Variants in CALN1 observed in about 807,000 individuals in gnomAD.
CALN1 encodes the protein calneuron 1.
A neutral mutation model predicts 30.6 loss-of-function variants in CALN1; 17 were observed. That is an observed-to-expected ratio of 0.56 (90% CI 0.38 to 0.83). The LOEUF (loss-of-function observed/expected upper bound fraction) is 0.83, where lower values mean the gene tolerates loss of function less well. Among genes scored for constraint, CALN1 ranks in the 40% least tolerant of loss-of-function variants. The pLI is 0.00. For missense variants in CALN1, 291 were observed against 354.9 expected, an observed-to-expected ratio of 0.82 and a Z score of 1.45; for synonymous variants, 156 against 131.4, an observed-to-expected ratio of 1.19 and a Z score of -1.28.
At chr7:72,243,401 A>G (rs546503771) in intron 3 of CALN1, among the ~76,000 whole-genome samples, 36 of 152,304 alleles carry the variant, frequency 2.4e-4, no homozygotes, top group African/African-American at 6.7e-4. Flanking sequence ...ACTGACCATG[A>G]TAAGAAGTAA....
chr7:72,419,645 C>CA (rs1807545385), intron 1 of CALN1, among the ~76,000 whole-genome samples: 1 of 152,102 alleles, frequency 6.6e-6, no homozygotes, highest in Non-Finnish European at 1.5e-5. Context: ...ACAGCTGGCC[C>CA]AATTTTTCTG....
intron 2 of CALN1, among the ~76,000 whole-genome samples, chr7:72,361,999 T>A: frequency 6.6e-6 from 1 of 152,142 alleles, no homozygotes; most frequent in East Asian, 1.9e-4. Flanking sequence ...CTAGATATAC[T>A]CAGAACAGGA....
At chr7:72,209,105 T>TTC in intron 3 of CALN1, among the ~76,000 whole-genome samples, 1 of 139,726 alleles carries the variant, frequency 7.2e-6, no homozygotes, top group Non-Finnish European at 1.5e-5. Flanking sequence ...CTTGTGTCAT[T>TTC]TCTCTCTTTT....
At chr7:71,846,926 T>A (rs1227516244) in intron 5 of CALN1, among the ~76,000 whole-genome samples, 8 of 137,322 alleles carry the variant, frequency 5.8e-5, no homozygotes, top group Non-Finnish European at 1.2e-4. Flanking sequence ...ATATGTATAT[T>A]ATATATACAT....
chr7:71,927,136 G>A (rs1795309711), intron 5 of CALN1, among the ~76,000 whole-genome samples: 2 of 152,202 alleles, frequency 1.3e-5, no homozygotes, highest in Non-Finnish European at 2.9e-5. Context: ...ATAAAGAAGA[G>A]TCTACTGGAA....
Position 72,369,173 on chromosome 7 carries a change from T to C in CALN1, c.119+34078A>G, listed in dbSNP as rs573655971. ...TCTTACTGACACACAATAAGGTTCATGTAAAGTGTACAATTTATAAGTTGA... is the reference window on the plus strand; with the variant it reads ...TCTTACTGACACACAATAAGGTTCACGTAAAGTGTACAATTTATAAGTTGA... On this transcript the variant is annotated intron_variant, in intron 2 of 6. Transcript: ENST00000395275. Among the ~76,000 whole-genome samples the C allele has an allele frequency of 2.0e-3, 304 of 151,898 alleles. 1 individual carries two copies. Among genetic ancestry groups the C allele is most frequent in the South Asian group, 2.1e-3 (10 of 4,816 alleles).
At chr7:72,028,008 G>A (rs571603258) in intron 4 of CALN1, among the ~76,000 whole-genome samples, 1,650 of 136,410 alleles carry the variant, frequency 0.012, 33 homozygotes, top group African/African-American at 0.039. Context: ...GCAGTGAGCC[G>A]AGATCGCGCC....
intron 5 of CALN1, among the ~76,000 whole-genome samples, chr7:71,830,804 A>T (rs1401386175): frequency 1.3e-5 from 2 of 152,230 alleles, no homozygotes; most frequent in Non-Finnish European, 2.9e-5. Context: ...TATTGTTTAC[A>T]ACATGTGGTT....
At chr7:72,349,486 A>G (rs1372230460) in intron 2 of CALN1, among the ~76,000 whole-genome samples, 2 of 152,206 alleles carry the variant, frequency 1.3e-5, no homozygotes, top group Non-Finnish European at 2.9e-5. Flanking sequence ...GCTGAAAACC[A>G]ATGATAGAGA....
chr7:72,344,038 T>C (rs996299167), intron 2 of CALN1, among the ~76,000 whole-genome samples: 1 of 152,144 alleles, frequency 6.6e-6, no homozygotes, highest in African/African-American at 2.4e-5. Flanking sequence ...TATTTTTTAA[T>C]TTCATTTATT....
chr7:72,292,762 A>G (rs530415666), intron 2 of CALN1, among the ~76,000 whole-genome samples: 11 of 148,352 alleles, frequency 7.4e-5, no homozygotes, highest in Admixed American at 4.1e-4. Flanking sequence ...TGAAGGTTAC[A>G]GTGAGCCGAG....
intron 4 of CALN1, among the ~76,000 whole-genome samples, chr7:72,089,070 ATAT>A (rs1474270501): frequency 6.6e-6 from 1 of 152,136 alleles, no homozygotes; most frequent in Non-Finnish European, 1.5e-5. Flanking sequence ...AGTGTTTCTA[ATAT>A]TATTATAAAA....
At chr7:72,359,534 G>C (rs1803434127) in intron 2 of CALN1, among the ~76,000 whole-genome samples, 1 of 152,124 alleles carries the variant, frequency 6.6e-6, no homozygotes, top group Admixed American at 6.5e-5. Flanking sequence ...TGAGGTATAG[G>C]ATATGCAGGC....
At chr7:72,397,652 C>T (rs1013671142) in intron 2 of CALN1, among the ~76,000 whole-genome samples, 2 of 150,794 alleles carry the variant, frequency 1.3e-5, no homozygotes, top group African/African-American at 2.4e-5. Flanking sequence ...CTACCAGTAG[C>T]CTCTTCAAGT....
At chr7:72,314,352 T>C (rs945566537) in intron 2 of CALN1, among the ~76,000 whole-genome samples, 57 of 86,766 alleles carry the variant, frequency 6.6e-4, no homozygotes, top group East Asian at 2.3e-3. Flanking sequence ...TATATATACA[T>C]ATATATACAT....
At chr7:72,184,962 T>C (rs761793571) in intron 3 of CALN1, among the ~76,000 whole-genome samples, 5 of 151,916 alleles carry the variant, frequency 3.3e-5, no homozygotes, top group Non-Finnish European at 7.4e-5. Flanking sequence ...CGGCTAATTT[T>C]TATTTTATTT....
chr7:71,979,836 C>T (rs1336699357), intron 5 of CALN1, among the ~76,000 whole-genome samples: 1 of 148,054 alleles, frequency 6.8e-6, no homozygotes, highest in East Asian at 2.0e-4. Context: ...GGTTAGCATG[C>T]AAGTAGTATA....
intron 2 of CALN1, among the ~76,000 whole-genome samples, chr7:72,402,110 C>G (rs1045613554): frequency 6.6e-6 from 1 of 152,172 alleles, no homozygotes; most frequent in Non-Finnish European, 1.5e-5. Context: ...TTTGTCATTT[C>G]CAGCTTTACA....
At chr7:72,176,113 T>C (rs1008585224) in intron 3 of CALN1, among the ~76,000 whole-genome samples, 1 of 152,156 alleles carries the variant, frequency 6.6e-6, no homozygotes, top group African/African-American at 2.4e-5. Context: ...TTAAAAACTC[T>C]TAATCTGTAA....
Sources: gnomAD v4.1 joint callset for allele counts (sites outside exome capture counted in the v4.1 genomes callset) on GRCh38, gnomAD v4.1.1 for gene constraint, MANE v1.5 for transcripts, NCBI Gene and HGNC (gene_info 2026-07-23, HGNC 2026-07-21) for gene names.